FILIP1L: variants seen among roughly 807,000 people sequenced by gnomAD.
The protein encoded by FILIP1L is filamin A-interacting protein 1-like.
A neutral mutation model predicts 96.6 loss-of-function variants in FILIP1L; 55 were observed. The observed-to-expected ratio is 0.57, with a 90% confidence interval of 0.46 to 0.71. FILIP1L has a LOEUF of 0.71. Ranked by LOEUF, FILIP1L falls within the 30% of genes least tolerant of loss-of-function variation. The pLI is 0.00. For synonymous variants in FILIP1L, 467 were observed against 473.9 expected, an observed-to-expected ratio of 0.99 and a Z score of 0.19; for missense variants, 1,304 against 1,321.2, an observed-to-expected ratio of 0.99 and a Z score of 0.20.
At chr3:100,069,684 C>T (rs1186346593) in intron 1 of FILIP1L, among the ~76,000 whole-genome samples, 1 of 152,108 alleles carries the variant, frequency 6.6e-6, no homozygotes, top group East Asian at 1.9e-4. Flanking sequence ...CAGGAAATGT[C>T]GTCATGGTCT....
At chr3:100,081,037 G>A (rs1383518368) in intron 1 of FILIP1L, among the ~76,000 whole-genome samples, 2 of 152,212 alleles carry the variant, frequency 1.3e-5, no homozygotes, top group Admixed American at 6.5e-5. Context: ...CTTGTGTAAT[G>A]AAGGTGTTAT....
At chr3:99,933,265 G>C (rs1707546352) in intron 1 of FILIP1L, among the ~76,000 whole-genome samples, 1 of 152,154 alleles carries the variant, frequency 6.6e-6, no homozygotes, top group Non-Finnish European at 1.5e-5. Context: ...TTACTGAAGA[G>C]ACTATTTACA....
chr3:99,940,755 C>A (rs1460791300), intron 1 of FILIP1L, among the ~76,000 whole-genome samples: 3 of 152,232 alleles, frequency 2.0e-5, no homozygotes, highest in Non-Finnish European at 4.4e-5. Flanking sequence ...AACAATAGAT[C>A]ACCCTGAGTG....
At chr3:99,882,014 C>G (rs1473524493) in intron 4 of FILIP1L, among the ~76,000 whole-genome samples, 1 of 152,124 alleles carries the variant, frequency 6.6e-6, no homozygotes, top group African/African-American at 2.4e-5. Flanking sequence ...GAATAGTTGA[C>G]CAACTAAGAG....
intron 1 of FILIP1L, among the ~76,000 whole-genome samples, chr3:99,932,292 T>C (rs539337341): frequency 3.9e-5 from 6 of 152,314 alleles, no homozygotes; most frequent in East Asian, 3.9e-4. Context: ...GAACAATGTA[T>C]AGTATTACAT....
intron 5 of FILIP1L, among the ~76,000 whole-genome samples, chr3:99,846,149 C>T (rs1305808575): frequency 2.0e-5 from 3 of 152,100 alleles, no homozygotes; most frequent in Admixed American, 1.3e-4. Context: ...GATTTCTTCC[C>T]TCCCCCCGTC....
intron 1 of FILIP1L, among the ~76,000 whole-genome samples, chr3:100,053,281 T>C (rs2065404727): frequency 1.3e-5 from 2 of 152,212 alleles, no homozygotes; most frequent in Non-Finnish European, 2.9e-5. Context: ...CTCTCACAGT[T>C]CTAGAGGCTA....
At chr3:100,028,199 G>T (rs937496375) in intron 1 of FILIP1L, among the ~76,000 whole-genome samples, 4 of 152,136 alleles carry the variant, frequency 2.6e-5, no homozygotes, top group Non-Finnish European at 5.9e-5. Flanking sequence ...TGAGTTAAAT[G>T]ATATCATTAT....
intron 1 of FILIP1L, among the ~76,000 whole-genome samples, chr3:99,994,448 A>C (rs1709613538): frequency 6.6e-6 from 1 of 152,210 alleles, no homozygotes; most frequent in Admixed American, 6.5e-5. Context: ...TTCATCAGCA[A>C]ATAGAAAATT....
intron 1 of FILIP1L, among the ~76,000 whole-genome samples, chr3:99,997,392 A>G (rs1271304969): frequency 6.6e-6 from 1 of 152,258 alleles, no homozygotes; most frequent in Non-Finnish European, 1.5e-5. Flanking sequence ...TTTAATCCTC[A>G]CAAGTGTATT....
intron 1 of FILIP1L, among the ~76,000 whole-genome samples, chr3:100,050,650 G>A (rs1283741664): frequency 6.6e-6 from 1 of 152,146 alleles, no homozygotes; most frequent in Non-Finnish European, 1.5e-5. Context: ...TCCTGCCTCA[G>A]CCTCCAAGTA....
chr3:100,029,293 A>G (rs931247026), intron 1 of FILIP1L, among the ~76,000 whole-genome samples: 7 of 152,046 alleles, frequency 4.6e-5, no homozygotes, highest in African/African-American at 1.4e-4. Flanking sequence ...AAATTTACTT[A>G]TTTGTACAGA....
At chr3:99,925,587 A>G (rs911066579) in intron 3 of FILIP1L, among the ~76,000 whole-genome samples, 1 of 147,890 alleles carries the variant, frequency 6.8e-6, no homozygotes, top group South Asian at 2.2e-4. Flanking sequence ...TTTAAAAAAA[A>G]TTTTTGATTA....
At chr3:99,995,922 C>T (rs1031085390) in intron 1 of FILIP1L, among the ~76,000 whole-genome samples, 4 of 152,208 alleles carry the variant, frequency 2.6e-5, no homozygotes, top group South Asian at 2.1e-4. Context: ...GGGCTGATGA[C>T]TGGAGGGGCT....
chr3:99,913,365 A>G (rs1706852958), intron 4 of FILIP1L, among the ~76,000 whole-genome samples: 1 of 152,208 alleles, frequency 6.6e-6, no homozygotes, highest in Admixed American at 6.5e-5. Context: ...AATACTTGTT[A>G]TTATCTTTTT....
intron 1 of FILIP1L, among the ~76,000 whole-genome samples, chr3:99,992,114 G>T (rs1709541985): frequency 6.6e-6 from 1 of 151,438 alleles, no homozygotes; most frequent in Non-Finnish European, 1.5e-5. Flanking sequence ...ATTGTGCATT[G>T]TGCTGTGATA....
intron 1 of FILIP1L, among the ~76,000 whole-genome samples, chr3:99,939,041 C>T (rs546835733): frequency 1.3e-5 from 2 of 152,236 alleles, no homozygotes; most frequent in South Asian, 4.1e-4. Flanking sequence ...CCTTGTAGGG[C>T]ATAGACAAGT....
At chr3:99,931,717 C>T (rs1449388412) in intron 1 of FILIP1L, among the ~76,000 whole-genome samples, 2 of 152,060 alleles carry the variant, frequency 1.3e-5, no homozygotes, top group Non-Finnish European at 2.9e-5. Context: ...ATCTTCAAAG[C>T]GGAGATACTA....
intron 1 of FILIP1L, among the ~76,000 whole-genome samples, chr3:100,002,460 C>G (rs1052406559): frequency 2.0e-5 from 3 of 152,148 alleles, no homozygotes; most frequent in African/African-American, 7.2e-5. Context: ...CAGTTTCTGC[C>G]TGCCACTGCT....
Sources: gnomAD v4.1 joint callset for allele counts (sites outside exome capture counted in the v4.1 genomes callset) on GRCh38, gnomAD v4.1.1 for gene constraint, MANE v1.5 for transcripts, NCBI Gene and HGNC (gene_info 2026-07-23, HGNC 2026-07-21) for gene names.